The following BCAS1 variants were observed in gnomAD, a reference collection of about 807,000 sequenced individuals.
BCAS1 encodes brain enriched myelin associated protein 1, also known as breast carcinoma-amplified sequence 1.
Under a neutral mutation model 65.4 loss-of-function variants are expected in BCAS1, and 46 were observed. The ratio of observed to expected loss-of-function variants is 0.70; its 90% CI spans 0.55 to 0.90. The LOEUF (loss-of-function observed/expected upper bound fraction) is 0.90, where lower values mean the gene tolerates loss of function less well. Among genes scored for constraint, BCAS1 ranks in the 40% least tolerant of loss-of-function variants. The pLI, the probability that BCAS1 is intolerant of heterozygous loss-of-function variation, is 0.00. For missense variants in BCAS1, 793 were observed against 771.2 expected, an observed-to-expected ratio of 1.03 and a Z score of -0.33; for synonymous variants, 298 against 293.5, an observed-to-expected ratio of 1.02 and a Z score of -0.16.
chr20:53,988,585 G>C (rs1285027905), intron 7 of BCAS1, among the ~76,000 whole-genome samples: 1 of 152,160 alleles, frequency 6.6e-6, no homozygotes, highest in African/African-American at 2.4e-5. Flanking sequence ...TGTATACAAA[G>C]TGCAATGATT....
rs557526198 is a variant in BCAS1 at position 54,060,171 on chromosome 20, A to T, written c.-5-1448T>A. 3.3e-5 allele frequency among the ~76,000 whole-genome samples: 5 copies of T among 152,354 alleles called. No homozygotes were observed. The South Asian group carries it at 1.0e-3, about 32-fold the overall frequency. On this transcript the variant is annotated intron_variant, in intron 1 of 12. Transcript: ENST00000688948. ...TAGCTGTGTGTCCTTGGGAGAGTTA[A>T]TTAGCCTCTCTGTGCCTCATAAGAC...
chr20:54,030,545 T>C (rs2091776586), intron 3 of BCAS1, among the ~76,000 whole-genome samples: 1 of 141,108 alleles, frequency 7.1e-6, no homozygotes, highest in Non-Finnish European at 1.6e-5. Context: ...AAGGGAAGAA[T>C]TGAGATTTCT....
At chr20:54,043,280 C>T (rs1302654588) in intron 3 of BCAS1, among the ~76,000 whole-genome samples, 2 of 150,420 alleles carry the variant, frequency 1.3e-5, no homozygotes, top group African/African-American at 4.9e-5. Flanking sequence ...TGTTTCATTG[C>T]TTGAAGCTAT....
At chr20:53,990,491 G>T (rs1412400965) in intron 7 of BCAS1, among the ~76,000 whole-genome samples, 1 of 152,098 alleles carries the variant, frequency 6.6e-6, no homozygotes, top group Non-Finnish European at 1.5e-5. Context: ...TAAAGCCCCA[G>T]AATTAACCAG....
chr20:54,036,895 T>G (rs290462), intron 3 of BCAS1, among the ~76,000 whole-genome samples: 49,878 of 150,930 alleles, frequency 0.33, 9,748 homozygotes, highest in South Asian at 0.42. Context: ...CATAAGTATC[T>G]GGGCCAGGCA....
chr20:53,983,641 T>TC (rs1414760057), intron 8 of BCAS1, among the ~76,000 whole-genome samples: 5 of 152,154 alleles, frequency 3.3e-5, no homozygotes, highest in African/African-American at 1.2e-4. Context: ...CTTCTGCTCC[T>TC]CTCCCTGGGG....
Position 53,960,598 on chromosome 20 carries a change from C to T in BCAS1, c.1486-3101G>A, listed in dbSNP as rs556851162. Among the ~76,000 whole-genome samples the T allele has an allele frequency of 8.8e-4, 133 of 151,286 alleles. 1 individual carries two copies. Among genetic ancestry groups the T allele is most frequent in the African/African-American group, 2.8e-3 (116 of 41,328 alleles). ...CAAAGGTGACTGAAGTTTGGGTTTA[C>T]ACTTAGAATCTTATTAAATCCATCT... On this transcript the variant is annotated intron_variant, in intron 10 of 12. Coordinates refer to ENST00000688948, the MANE Select transcript of BCAS1 (RefSeq NM_001366298.2).
chr20:53,971,872 C>T (rs772723158), intron 9 of BCAS1, among the ~76,000 whole-genome samples: 1 of 151,996 alleles, frequency 6.6e-6, no homozygotes, highest in Non-Finnish European at 1.5e-5. Flanking sequence ...CTCAATTAAC[C>T]AATGGGCAAA....
intron 1 of BCAS1, among the ~76,000 whole-genome samples, chr20:54,069,303 A>G (rs1162202024): frequency 6.6e-6 from 1 of 152,214 alleles, no homozygotes; most frequent in South Asian, 2.1e-4. Context: ...GTATTTTAAC[A>G]TGAAATTTGT....
intron 2 of BCAS1, 119 bp downstream of exon 2, chr20:54,058,528 A>G: frequency 4.7e-6 from 7 of 1,488,626 alleles, no homozygotes; most frequent in Non-Finnish European, 6.2e-6. Context: ...ACTGTCTTGC[A>G]CACACAGACA....
chr20:54,064,863 C>G (rs2092416872), intron 1 of BCAS1, among the ~76,000 whole-genome samples: 1 of 151,742 alleles, frequency 6.6e-6, no homozygotes. Context: ...ATATTTGCCT[C>G]TCTTGGTCCT....
At chr20:54,052,810 T>A (rs541434982) in intron 3 of BCAS1, among the ~76,000 whole-genome samples, 3 of 152,330 alleles carry the variant, frequency 2.0e-5, no homozygotes, top group East Asian at 3.9e-4. Context: ...AAATTTCTAC[T>A]TTTTATAAAT....
intron 3 of BCAS1, among the ~76,000 whole-genome samples, chr20:54,053,139 A>G (rs1206338927): frequency 6.6e-6 from 1 of 152,244 alleles, no homozygotes; most frequent in Non-Finnish European, 1.5e-5. Flanking sequence ...AACCTACTCC[A>G]AAACGGGACA....
intron 11 of BCAS1, among the ~76,000 whole-genome samples, chr20:53,954,294 G>GA (rs2089628169): frequency 7.9e-6 from 1 of 125,844 alleles, no homozygotes; most frequent in Non-Finnish European, 1.6e-5. Context: ...GCTGAGAAAT[G>GA]GAGAGAGAGA....
At chr20:54,006,993 A>G (rs1168809669) in intron 4 of BCAS1, among the ~76,000 whole-genome samples, 1 of 152,156 alleles carries the variant, frequency 6.6e-6, no homozygotes, top group Non-Finnish European at 1.5e-5. Context: ...AGGCAAGGCC[A>G]CGGAGGGTGA....
chr20:54,006,349 T>G (rs2091189430), intron 4 of BCAS1, among the ~76,000 whole-genome samples: 2 of 152,212 alleles, frequency 1.3e-5, no homozygotes, highest in Admixed American at 6.5e-5. Flanking sequence ...CAGGCCATGG[T>G]CAAGGCAGAG....
intron 4 of BCAS1, among the ~76,000 whole-genome samples, chr20:54,004,679 A>G (rs1449197464): frequency 6.6e-6 from 1 of 152,156 alleles, no homozygotes; most frequent in African/African-American, 2.4e-5. Context: ...ATTACATACA[A>G]GCTGTGCAGA....
At position 54,069,140 on chromosome 20, in the gene BCAS1, G is replaced by A. The variant is rs1313038010; in HGVS notation, c.-6+1293C>T. Among the ~76,000 whole-genome samples the A allele has an allele frequency of 2.0e-5, 3 of 152,102 alleles. No individual in the cohort carries two copies. The East Asian group carries it at 5.8e-4, about 29-fold the overall frequency. On this transcript the variant is annotated intron_variant, in intron 1 of 12. Transcript: ENST00000688948. ...CCCCGTCTGTTGTCTTTATTTAGGA[G>A]GAAGCACCCTCTACATACCCTGAGT... is the stretch of plus-strand genomic sequence containing the variant.
At chr20:53,993,993 A>C (rs944766512) in intron 6 of BCAS1, among the ~76,000 whole-genome samples, 4 of 152,202 alleles carry the variant, frequency 2.6e-5, no homozygotes, top group Non-Finnish European at 5.9e-5. Flanking sequence ...CAGGACAAAG[A>C]ATTTTTTTGT....
Sources: allele counts gnomAD v4.1 joint callset (sites outside exome capture counted in the v4.1 genomes callset), GRCh38; gene constraint gnomAD v4.1.1; transcripts MANE v1.5; gene names NCBI Gene and HGNC (gene_info 2026-07-23, HGNC 2026-07-21).